Variants in FRMD3 observed in about 807,000 individuals in gnomAD.
The protein encoded by FRMD3 is FERM domain-containing protein 3.
A neutral mutation model predicts 70.2 loss-of-function variants in FRMD3; 33 were observed. The ratio of observed to expected loss-of-function variants is 0.47; its 90% CI spans 0.36 to 0.63. FRMD3 has a LOEUF of 0.63. FRMD3 is among the 20% of genes least tolerant of loss of function. The pLI is 0.00. For missense variants in FRMD3, 632 were observed against 711.4 expected (o/e 0.89, Z 1.27); for synonymous variants, 279 against 255.9 (o/e 1.09, Z -0.86).
intron 1 of FRMD3, among the ~76,000 whole-genome samples, chr9:83,419,177 T>C (rs1050397222): frequency 4.6e-5 from 7 of 152,030 alleles, no homozygotes; most frequent in South Asian, 2.1e-4. Flanking sequence ...AAACTACATA[T>C]TGGTACAATG....
chr9:83,397,621 C>T (rs1825842917), intron 1 of FRMD3, among the ~76,000 whole-genome samples: 1 of 152,132 alleles, frequency 6.6e-6, no homozygotes, highest in Non-Finnish European at 1.5e-5. Flanking sequence ...TCCAGGACCC[C>T]TCTATGATAA....
At chr9:83,572,859 G>A in the FRMD3 span, among the ~76,000 whole-genome samples, 2,501 of 152,262 alleles carry the variant, frequency 0.016, 38 homozygotes, top group Non-Finnish European at 0.026. Flanking sequence ...TTGGCCTTAT[G>A]AAATATTCAA....
Position 83,291,385 on chromosome 9 carries a change from T to C in FRMD3, c.1071-658A>G, listed in dbSNP as rs375335528. Among the ~76,000 whole-genome samples the C allele has an allele frequency of 9.2e-5, 14 of 152,308 alleles. No individual in the cohort carries two copies. In the East Asian group the frequency reaches 2.7e-3, roughly 29 times the overall value. On this transcript the variant is annotated intron_variant, in intron 12 of 13. Coordinates refer to ENST00000304195, the MANE Select transcript of FRMD3 (RefSeq NM_174938.6). The stretch of plus-strand genomic sequence containing the variant: ...ATTGGTTGGGAGCTGGGGAGCCCGC[T>C]TGCCCTACCTGCTGCAGAGATACTA...
chr9:83,257,523 G>T (rs1298062426), intron 13 of FRMD3, among the ~76,000 whole-genome samples: 2 of 151,542 alleles, frequency 1.3e-5, no homozygotes, highest in Non-Finnish European at 2.9e-5. Flanking sequence ...AAAGTTGAGG[G>T]GGAAAAAAAA....
intron 13 of FRMD3, among the ~76,000 whole-genome samples, chr9:83,288,747 T>C (rs1309966874): frequency 6.6e-6 from 1 of 152,242 alleles, no homozygotes; most frequent in Non-Finnish European, 1.5e-5. Flanking sequence ...CTATTGTCCA[T>C]ACAGTTGCTA....
chr9:83,257,722 C>G (rs1296994150), intron 13 of FRMD3, among the ~76,000 whole-genome samples: 1 of 151,980 alleles, frequency 6.6e-6, no homozygotes, highest in African/African-American at 2.4e-5. Context: ...CACTGCTTCA[C>G]TAAATTTAAT....
At chr9:83,308,820 T>TA (rs1225018323) in intron 10 of FRMD3, among the ~76,000 whole-genome samples, 2 of 152,186 alleles carry the variant, frequency 1.3e-5, no homozygotes, top group African/African-American at 4.8e-5. Context: ...TGAACACAGG[T>TA]GACTCTCTGC....
At chr9:83,459,822 G>A (rs1326216342) in intron 1 of FRMD3, among the ~76,000 whole-genome samples, 4 of 152,236 alleles carry the variant, frequency 2.6e-5, no homozygotes, top group African/African-American at 9.7e-5. Context: ...TCACAGTTCT[G>A]GAGACTAGGA....
intron 1 of FRMD3, among the ~76,000 whole-genome samples, chr9:83,421,590 G>A (rs1826645710): frequency 6.6e-6 from 1 of 152,172 alleles, no homozygotes; most frequent in Non-Finnish European, 1.5e-5. Flanking sequence ...CTTCAAGTAA[G>A]AAGATGGCCC....
the FRMD3 span, among the ~76,000 whole-genome samples, chr9:83,549,137 T>C: frequency 2.0e-5 from 3 of 152,084 alleles, no homozygotes; most frequent in Non-Finnish European, 4.4e-5. Context: ...CCAGTGTCTT[T>C]TGTTTCCCTC....
In FRMD3 at chr9:83,350,048, T is replaced by C. The variant is rs61529721; in HGVS notation, c.296-291A>G. Among the ~76,000 whole-genome samples, 672 of 152,226 alleles carry C rather than the reference T, an allele frequency of 4.4e-3. 1 individual carries two copies. The highest frequency in any genetic ancestry group is 0.016 in the African/African-American group (649 of 41,524). On this transcript the variant is annotated intron_variant, in intron 3 of 13. Transcript: ENST00000304195. ...AGCTCGCCTTCATTCCTTCATTCTC[T>C]CCAGCACACAGCTCCAGAGAACACT...
chr9:83,347,727 C>T (rs1348583493), intron 4 of FRMD3, among the ~76,000 whole-genome samples: 1 of 152,118 alleles, frequency 6.6e-6, no homozygotes, highest in East Asian at 1.9e-4. Flanking sequence ...TTAGATTAAT[C>T]TTATAATAAA....
intron 1 of FRMD3, among the ~76,000 whole-genome samples, chr9:83,479,675 A>AAGGAAG (rs1564096747): frequency 1.7e-4 from 7 of 41,344 alleles, no homozygotes; most frequent in South Asian, 1.1e-3. Flanking sequence ...AAGGAAGGAA[A>AAGGAAG]GAAAGAAAGA....
rs1207479260 is a variant in FRMD3, at chr9:83,537,656, AC to A, written c.147+428del. 6.6e-6 allele frequency among the ~76,000 whole-genome samples: 1 copy of A among 152,066 alleles called. No homozygotes were observed. Among genetic ancestry groups the A allele is most frequent in the Non-Finnish European group, 1.5e-5 (1 of 67,990 alleles). On this transcript the variant is annotated intron_variant, in intron 1 of 13. Transcript: ENST00000304195. The surrounding 1 kb of genome is among the most constrained non-coding windows in gnomAD (Gnocchi z 4.1). ...GGGCGCGGGAGACAGAAATGAGTGA[AC>A]CCAGCTGATGCATGCCTTCTCCACG...
chr9:83,568,045 T>A, the FRMD3 span, among the ~76,000 whole-genome samples: 2,649 of 152,280 alleles, frequency 0.017, 46 homozygotes, highest in South Asian at 0.065. Context: ...CTGAGAAGAA[T>A]AAGAGATTTA....
intron 2 of FRMD3, among the ~76,000 whole-genome samples, chr9:83,387,121 T>G (rs1825534565): frequency 6.6e-6 from 1 of 152,184 alleles, no homozygotes; most frequent in African/African-American, 2.4e-5. Flanking sequence ...TTTGCAAATT[T>G]CCTGTTTCTC....
chr9:83,329,446 C>A (rs988145527), intron 6 of FRMD3, among the ~76,000 whole-genome samples: 1 of 152,124 alleles, frequency 6.6e-6, no homozygotes. Context: ...TCAAAACTGA[C>A]AAAAACATTT....
the FRMD3 span, among the ~76,000 whole-genome samples, chr9:83,574,626 G>A: frequency 1.4e-4 from 22 of 152,126 alleles, no homozygotes; most frequent in African/African-American, 4.6e-4. Context: ...AAGGACCTTG[G>A]TTTGGGGCCA....
intron 1 of FRMD3, among the ~76,000 whole-genome samples, chr9:83,450,347 G>GTTTTTTT (rs763340189): frequency 5.4e-5 from 6 of 111,596 alleles, no homozygotes; most frequent in South Asian, 5.7e-4. Flanking sequence ...GTCACCCTCA[G>GTTTTTTT]TTTTTTTTTT....
Sources: allele counts gnomAD v4.1 joint callset (sites outside exome capture counted in the v4.1 genomes callset), GRCh38; gene constraint gnomAD v4.1.1; non-coding constraint Gnocchi (gnomAD v3.1); transcripts MANE v1.5; gene names NCBI Gene and HGNC (gene_info 2026-07-23, HGNC 2026-07-21).